The following DNAH7 variants were observed in gnomAD, a reference collection of about 807,000 sequenced individuals.
DNAH7 encodes dynein axonemal heavy chain 7.
A neutral mutation model predicts 444.6 loss-of-function variants in DNAH7; 397 were observed. The ratio of observed to expected loss-of-function variants is 0.89; its 90% CI spans 0.82 to 0.97. DNAH7 has a LOEUF of 0.97. DNAH7 is among the 50% of genes least tolerant of loss of function. The pLI is 0.00. For missense variants in DNAH7, 4,902 were observed against 4,800.8 expected (o/e 1.02, Z -0.62); for synonymous variants, 1,636 against 1,624.4 (o/e 1.01, Z -0.17).
At chr2:195,978,324 T>A (rs1159599691) in intron 15 of DNAH7, among the ~76,000 whole-genome samples, 2 of 152,084 alleles carry the variant, frequency 1.3e-5, no homozygotes, top group African/African-American at 4.8e-5. Flanking sequence ...ATCAGTGTTG[T>A]CAACAATTTA....
intron 9 of DNAH7, 55 bp downstream of exon 9, chr2:196,019,115 G>A: frequency 7.3e-7 from 1 of 1,365,510 alleles, no homozygotes; most frequent in South Asian, 2.2e-5. Context: ...TTAAGATATA[G>A]TAAAACAACT....
At chr2:196,008,233 A>T (rs1282445562) in intron 10 of DNAH7, among the ~76,000 whole-genome samples, 2 of 152,038 alleles carry the variant, frequency 1.3e-5, no homozygotes, top group East Asian at 3.9e-4. Context: ...TCATAGTGAG[A>T]TACAACTTCA....
At chr2:195,839,047 C>T (rs1400589434) in intron 47 of DNAH7, among the ~76,000 whole-genome samples, 1 of 151,690 alleles carries the variant, frequency 6.6e-6, no homozygotes, top group Non-Finnish European at 1.5e-5. Context: ...TTTCAAAATG[C>T]CATTCACTCA....
intron 31 of DNAH7, among the ~76,000 whole-genome samples, chr2:195,890,775 G>A (rs918800951): frequency 1.3e-5 from 2 of 152,158 alleles, no homozygotes; most frequent in Non-Finnish European, 2.9e-5. Context: ...AATAAGAGCA[G>A]AGCTGAGATT....
chr2:195,850,224 A>G (rs1019277824), intron 46 of DNAH7, among the ~76,000 whole-genome samples: 4 of 151,946 alleles, frequency 2.6e-5, no homozygotes, highest in Non-Finnish European at 4.4e-5. Context: ...AATTCAAGCC[A>G]ATGGCCTTGG....
intron 63 of DNAH7, among the ~76,000 whole-genome samples, chr2:195,744,899 T>C (rs1218517895): frequency 2.0e-5 from 3 of 151,936 alleles, no homozygotes; most frequent in Admixed American, 6.6e-5. Context: ...ACCACAAAGA[T>C]GGGGAAAAAA....
At chr2:195,896,829 T>C (rs1346184611) in intron 29 of DNAH7, among the ~76,000 whole-genome samples, 1 of 152,166 alleles carries the variant, frequency 6.6e-6, no homozygotes, top group Non-Finnish European at 1.5e-5. Context: ...TAAGTAAAGC[T>C]CTTTTCAGAA....
At chr2:195,950,125 T>A (rs748718459) in intron 19 of DNAH7, among the ~76,000 whole-genome samples, 4 of 152,198 alleles carry the variant, frequency 2.6e-5, no homozygotes, top group Non-Finnish European at 5.9e-5. Context: ...ATAAATGGGT[T>A]AGGGAGGAGT....
intron 63 of DNAH7, among the ~76,000 whole-genome samples, chr2:195,744,790 G>A (rs865931027): frequency 7.2e-5 from 11 of 152,170 alleles, no homozygotes; most frequent in African/African-American, 2.7e-4. Flanking sequence ...CTGCAGCTGA[G>A]GGTCCTGTCT....
In DNAH7 at chr2:195,988,237, A is replaced by T. The variant is rs770908648; in HGVS notation, c.1354-8T>A. ...TGGTTTAGACTTACTTTCCTAAACA[A>T]GGGGGTAAAAATAATAGTATTTAAA... On this transcript the variant is annotated splice_region_variant and splice_polypyrimidine_tract_variant and intron_variant, in intron 12 of 64. Coordinates refer to ENST00000312428, the MANE Select transcript of DNAH7 (RefSeq NM_018897.3). 4 of 1,581,382 alleles carry T rather than the reference A, an allele frequency of 2.5e-6. No homozygotes were observed. The African/African-American group carries it at 5.5e-5, about 22-fold the overall frequency.
intron 46 of DNAH7, among the ~76,000 whole-genome samples, chr2:195,852,909 C>A (rs1216284516): frequency 4.0e-5 from 5 of 125,864 alleles, no homozygotes; most frequent in Non-Finnish European, 8.3e-5. Flanking sequence ...CACACACACA[C>A]ACACACAGAG....
intron 19 of DNAH7, among the ~76,000 whole-genome samples, chr2:195,937,071 T>G (rs1267512036): frequency 6.6e-6 from 1 of 152,144 alleles, no homozygotes; most frequent in Non-Finnish European, 1.5e-5. Context: ...GAGAGAACAC[T>G]GCCTGAACTC....
chr2:195,816,635 C>A lies in DNAH7; in HGVS notation c.9754G>T (p.Ala3252Ser). Residue 3252 changes from alanine (A) to serine (S), a missense_variant, in exon 51 of 65, where the codon GCA becomes TCA. Ala to Ser is a moderately conservative substitution (Grantham distance 99). Coordinates refer to ENST00000312428, the MANE Select transcript of DNAH7 (RefSeq NM_018897.3). Reference protein sequence around the residue: ...IENSEKSEILAKRLQILKDHF... With the variant: ...IENSEKSEILSKRLQILKDHF... ...AGTATTTCCTTTACATACCTTTTTGCCAAAATTTCTGATTTCTCTGAATTT... is the reference window on the plus strand; with the variant it reads ...AGTATTTCCTTTACATACCTTTTTGACAAAATTTCTGATTTCTCTGAATTT... The A allele has an allele frequency of 6.2e-7, 1 of 1,604,282 alleles. No homozygotes were observed. The highest frequency in any genetic ancestry group is 1.1e-5 in the South Asian group (1 of 89,188).
intron 12 of DNAH7, chr2:195,995,598 G>A (rs1693646229): frequency 4.8e-5 from 14 of 293,712 alleles, no homozygotes; most frequent in South Asian, 4.4e-4. Context: ...TGGGAGGCCA[G>A]CTAGAGAGGG....
At chr2:195,853,779 AATGAC>A in intron 45 of DNAH7, among the ~76,000 whole-genome samples, 1 of 152,316 alleles carries the variant, frequency 6.6e-6, no homozygotes, top group East Asian at 1.9e-4. Flanking sequence ...GTATTTAGGA[AATGAC>A]ATACAGTACA....
At chr2:195,901,038 T>A (rs1039967668) in intron 27 of DNAH7, 2 of 152,252 alleles carry the variant, frequency 1.3e-5, no homozygotes, top group African/African-American at 4.8e-5. Flanking sequence ...TATTTCATAA[T>A]GTTATGACTT....
At chr2:195,820,235 A>T (rs2124901825) in intron 49 of DNAH7, among the ~76,000 whole-genome samples, 1 of 152,168 alleles carries the variant, frequency 6.6e-6, no homozygotes. Flanking sequence ...CGTAAGTGGG[A>T]GTTGAACAAT....
intron 29 of DNAH7, among the ~76,000 whole-genome samples, chr2:195,896,971 G>C (rs906346502): frequency 1.3e-5 from 2 of 152,098 alleles, no homozygotes; most frequent in African/African-American, 4.8e-5. Flanking sequence ...GCAGAAGAAT[G>C]AAACTAGATT....
At chr2:195,756,022 C>A in intron 62 of DNAH7, 111 bp downstream of exon 62, 1 of 1,119,492 alleles carries the variant, frequency 8.9e-7, no homozygotes, top group Non-Finnish European at 1.2e-6. Flanking sequence ...GTGATTTGTG[C>A]CTGGGATGCA....
Sources: gnomAD v4.1 joint callset for allele counts (sites outside exome capture counted in the v4.1 genomes callset) on GRCh38, gnomAD v4.1.1 for gene constraint, MANE v1.5 for transcripts, NCBI Gene and HGNC (gene_info 2026-07-23, HGNC 2026-07-21) for gene names.